The following ASAP2 variants were observed in gnomAD, a reference collection of about 807,000 sequenced individuals.
ASAP2 encodes ArfGAP with SH3 domain, ankyrin repeat and PH domain 2, also known as arf-GAP with SH3 domain, ANK repeat and PH domain-containing protein 2.
Under a neutral mutation model 131.4 loss-of-function variants are expected in ASAP2, and 45 were observed. The ratio of observed to expected loss-of-function variants is 0.34; its 90% CI spans 0.27 to 0.44. The LOEUF (loss-of-function observed/expected upper bound fraction) is 0.44, where lower values mean the gene tolerates loss of function less well. ASAP2 is among the 20% of genes least tolerant of loss of function. ASAP2 has a pLI of 1.00. For synonymous variants in ASAP2, 510 were observed against 503.0 expected (o/e 1.01, Z -0.19); for missense variants, 1,011 against 1,297.0 (o/e 0.78, Z 3.39).
At chr2:9,382,637 A>G in intron 20 of ASAP2, among the ~76,000 whole-genome samples, 1 of 152,236 alleles carries the variant, frequency 6.6e-6, no homozygotes, top group East Asian at 1.9e-4. Flanking sequence ...TTTCTCCCAT[A>G]TGGAGTATGG....
At chr2:9,393,122 C>T (rs1242870368) in intron 23 of ASAP2, among the ~76,000 whole-genome samples, 1 of 152,180 alleles carries the variant, frequency 6.6e-6, no homozygotes, top group Non-Finnish European at 1.5e-5. Flanking sequence ...GCAAAGCAGG[C>T]CCTGCTTCCC....
chr2:9,382,294 A>G (rs80048273), intron 20 of ASAP2, among the ~76,000 whole-genome samples: 6,260 of 152,220 alleles, frequency 0.041, 438 homozygotes, highest in African/African-American at 0.14. Flanking sequence ...TGTCTCATTT[A>G]ATCTTCATAG....
chr2:9,355,907 A>C (rs764454985), intron 12 of ASAP2, 140 bp from the exon 13 acceptor site: 4 of 979,134 alleles, frequency 4.1e-6, no homozygotes, highest in Non-Finnish European at 6.2e-6. Context: ...GATATGAGGG[A>C]GTGCCTGATT....
chr2:9,344,055 G>T (rs1278376464), intron 9 of ASAP2, among the ~76,000 whole-genome samples: 1 of 152,170 alleles, frequency 6.6e-6, no homozygotes. Flanking sequence ...TGGCCTTACT[G>T]GGTATTCTTT....
chr2:9,286,089 G>A (rs1466972683), intron 2 of ASAP2, among the ~76,000 whole-genome samples: 1 of 152,164 alleles, frequency 6.6e-6, no homozygotes, highest in Non-Finnish European at 1.5e-5. Context: ...AGGAAATGAA[G>A]TTTCACTGTG....
At chr2:9,353,553 TAA>T (rs33912331) in intron 12 of ASAP2, among the ~76,000 whole-genome samples, 50 of 145,606 alleles carry the variant, frequency 3.4e-4, no homozygotes, top group African/African-American at 5.2e-4. Context: ...CAAGACTGTC[TAA>T]AAAAAAAAAA....
At chr2:9,215,582 A>AT (rs1473967277) in intron 1 of ASAP2, among the ~76,000 whole-genome samples, 4 of 149,468 alleles carry the variant, frequency 2.7e-5, no homozygotes, top group African/African-American at 4.9e-5. Flanking sequence ...AATACAGATA[A>AT]TTTTTTTTTT....
chr2:9,249,656 G>C (rs535862298), intron 1 of ASAP2, among the ~76,000 whole-genome samples: 1 of 152,360 alleles, frequency 6.6e-6, no homozygotes, highest in East Asian at 1.9e-4. Flanking sequence ...CGTGTGGACA[G>C]AAAGTTCACA....
chr2:9,379,173 T>A (rs1674638795), intron 19 of ASAP2, 114 bp downstream of exon 19: 1 of 617,586 alleles, frequency 1.6e-6, no homozygotes. Flanking sequence ...CTCTTGTTAG[T>A]GCCAAAGAGA....
chr2:9,354,962 GCTTTT>G (rs1228141970), intron 12 of ASAP2, among the ~76,000 whole-genome samples: 1 of 152,124 alleles, frequency 6.6e-6, no homozygotes, highest in Admixed American at 6.5e-5. Flanking sequence ...CCCTGCCCCT[GCTTTT>G]CTTTATTAAA....
Position 9,281,767 on chromosome 2 carries a change from C to T in ASAP2, c.199+2378C>T, listed in dbSNP as rs538639079. On this transcript the variant is annotated intron_variant, in intron 2 of 27. Coordinates refer to ENST00000281419, the MANE Select transcript of ASAP2 (RefSeq NM_003887.3). This position sits in a 1 kb window ranked among gnomAD's most constrained non-coding sequence, Gnocchi z 4.0. Reference sequence around the variant, plus strand: ...AGTAATGTGGATTGTGAGTGGTTATCGTTCTTAACCCTTTCCCAATTCATC... The same window carrying T: ...AGTAATGTGGATTGTGAGTGGTTATTGTTCTTAACCCTTTCCCAATTCATC... 4.6e-5 allele frequency among the ~76,000 whole-genome samples: 7 copies of T among 152,224 alleles called. No homozygotes were observed. Among genetic ancestry groups the T allele is most frequent in the South Asian group, 2.1e-4 (1 of 4,810 alleles).
At position 9,254,208 on chromosome 2, in the gene ASAP2, CAAAAAAAAAAAA is replaced by C. The variant is rs1167547534; in HGVS notation, c.127-25091_127-25080del. On this transcript the variant is annotated intron_variant, in intron 1 of 27. Coordinates refer to ENST00000281419, the MANE Select transcript of ASAP2 (RefSeq NM_003887.3). Reference sequence around the variant, plus strand: ...CCTGGGGAACAGAGGGAGACTGTCTCAAAAAAAAAAAAAAAAAAAAAAAAAAAAATATATATA... The same window carrying C: ...CCTGGGGAACAGAGGGAGACTGTCTCAAAAAAAAAAAAAAAAATATATATA... 5.4e-3 allele frequency among the ~76,000 whole-genome samples: 85 copies of C among 15,620 alleles called. 6 individuals carry two copies. Among genetic ancestry groups the C allele is most frequent in the Middle Eastern group, 0.11 (2 of 18 alleles). The allele number at this position is 15,620 out of a possible 152,430, so 10.2% of individuals were successfully genotyped here.
chr2:9,212,898 C>G (rs193072485), intron 1 of ASAP2, among the ~76,000 whole-genome samples: 4 of 152,302 alleles, frequency 2.6e-5, no homozygotes, highest in Admixed American at 1.3e-4. Flanking sequence ...AAGCACTGTT[C>G]GAGACGGAAC....
intron 1 of ASAP2, among the ~76,000 whole-genome samples, chr2:9,221,340 G>A (rs928565991): frequency 2.0e-5 from 1 of 49,786 alleles, no homozygotes; most frequent in African/African-American, 7.6e-5. Context: ...TTTTTTTTTT[G>A]AGACGGAATT....
At chr2:9,365,288 G>A (rs1168323998) in intron 15 of ASAP2, among the ~76,000 whole-genome samples, 1 of 152,128 alleles carries the variant, frequency 6.6e-6, no homozygotes, top group Non-Finnish European at 1.5e-5. Flanking sequence ...GCACTCTTCA[G>A]GCCCTCCACC....
chr2:9,283,043 A>G (rs1667236172), intron 2 of ASAP2, among the ~76,000 whole-genome samples: 1 of 152,066 alleles, frequency 6.6e-6, no homozygotes, highest in African/African-American at 2.4e-5. Flanking sequence ...ACTTCAGCGT[A>G]GCCCTCTTTG....
Position 9,207,342 on chromosome 2 carries a change from G to A in ASAP2, c.126+112G>A. 3 of 1,381,198 alleles carry A rather than the reference G, an allele frequency of 2.2e-6. No individual in the cohort carries two copies. Among genetic ancestry groups the A allele is most frequent in the East Asian group, 2.9e-5 (1 of 34,964 alleles). 85.6% of individuals were successfully genotyped at this position (1,381,198 alleles called of 1,614,324 possible). On this transcript the variant is annotated intron_variant, in intron 1 of 27. Transcript: ENST00000281419. The surrounding 1 kb of genome is among the most constrained non-coding windows in gnomAD (Gnocchi z 4.1). ...CTTTCTTTGCTCCGAAGCCGGACGC[G>A]GCCGGGCCAACCCTGCCCGAGACAG...
At chr2:9,222,774 G>T (rs1461922361) in intron 1 of ASAP2, among the ~76,000 whole-genome samples, 1 of 152,110 alleles carries the variant, frequency 6.6e-6, no homozygotes, top group Non-Finnish European at 1.5e-5. Context: ...AAAATCATGG[G>T]TAGGAGAAAT....
chr2:9,401,468 G>C, intron 27 of ASAP2, 72 bp downstream of exon 27: 1 of 1,558,910 alleles, frequency 6.4e-7, no homozygotes, highest in Non-Finnish European at 8.7e-7. Context: ...TGGAGAGACG[G>C]GCTTGCAGGT....
Sources: allele counts gnomAD v4.1 joint callset (sites outside exome capture counted in the v4.1 genomes callset), GRCh38; gene constraint gnomAD v4.1.1; non-coding constraint Gnocchi (gnomAD v3.1); transcripts MANE v1.5; gene names NCBI Gene and HGNC (gene_info 2026-07-23, HGNC 2026-07-21).